The following ZFP1 variants were observed in gnomAD, a reference collection of about 807,000 sequenced individuals.
ZFP1 encodes the protein zinc finger protein 1 homolog.
A neutral mutation model predicts 38.5 loss-of-function variants in ZFP1; 32 were observed. The observed-to-expected ratio is 0.83, with a 90% CI of 0.63 to 1.12. The LOEUF is 1.12. Ranked by LOEUF, ZFP1 falls within the 50% of genes most tolerant of loss-of-function variation. The probability of loss-of-function intolerance (pLI) is 0.00; values close to 1 mark genes in which losing one functional copy is unlikely to be tolerated. For missense variants in ZFP1, 616 were observed against 480.8 expected (o/e 1.28, Z -2.63); for synonymous variants, 245 against 168.8 (o/e 1.45, Z -3.50).
At chr16:75,143,003 C>T in the ZFP1 span, among the ~76,000 whole-genome samples, 1 of 151,822 alleles carries the variant, frequency 6.6e-6, no homozygotes, top group Non-Finnish European at 1.5e-5. Flanking sequence ...CACCCAGTCC[C>T]CAAATAAAAC....
chr16:75,133,911 T>G, the ZFP1 span, among the ~76,000 whole-genome samples: 1 of 150,880 alleles, frequency 6.6e-6, no homozygotes, highest in Admixed American at 6.6e-5. Flanking sequence ...TAGCCAGGCG[T>G]GCTGGTGCAT....
chr16:75,152,805 T>G, intron 1 of ZFP1, 104 bp from the exon 2 acceptor site: 1 of 1,027,354 alleles, frequency 9.7e-7, no homozygotes, highest in Non-Finnish European at 1.4e-6. Flanking sequence ...CAGGAGGTGG[T>G]ATTTTCCCAG....
chr16:75,169,485 C>G lies in ZFP1; in HGVS notation c.375C>G (p.Ser125Arg). The G allele has an allele frequency of 1.2e-6, 2 of 1,612,768 alleles. No homozygotes were observed. Among genetic ancestry groups the G allele is most frequent in the South Asian group, 1.1e-5 (1 of 90,852 alleles). The change falls in exon 4 of 4, where the codon AGC (serine) becomes AGG (arginine). Residue 125 changes from serine (S) to arginine (R), a missense_variant. By Grantham distance (110) the Ser-to-Arg change is moderately radical. Coordinates refer to ENST00000570010, the MANE Select transcript of ZFP1 (RefSeq NM_153688.4). ...YNSDLLNSNR[S>R]YAGKQTDECN... ...CAGACTTGCTTAATAGTAATAGAAG[C>G]TATGCAGGAAAGCAGACTGATGAGT...
chr16:75,167,033 A>G, intron 3 of ZFP1, 137 bp downstream of exon 3: 2 of 1,447,108 alleles, frequency 1.4e-6, no homozygotes, highest in Non-Finnish European at 1.8e-6. Flanking sequence ...GAGATCTTGC[A>G]GCCTTTAAAG....
At position 75,170,201 on chromosome 16, in the gene ZFP1, G is replaced by A. The variant is rs1381441375; in HGVS notation, c.1091G>A (p.Arg364Lys). ...CTECGKTFSQ[R>K]STLRLHLRIH... ...GAGTGCGGCAAAACTTTCAGCCAGA[G>A]GTCAACTCTTAGATTACACTTGCGA... is the stretch of plus-strand genomic sequence containing the variant. The change falls in exon 4 of 4, where the codon AGG becomes AAG. Residue 364 changes from arginine to lysine, a missense_variant. Arg to Lys is a conservative substitution (Grantham distance 26). Coordinates refer to ENST00000570010, the MANE Select transcript of ZFP1 (RefSeq NM_153688.4). 1.2e-6 allele frequency: 2 copies of A among 1,614,094 alleles called. No homozygotes were observed. Among genetic ancestry groups the A allele is most frequent in the Admixed American group, 1.7e-5 (1 of 60,014 alleles).
In ZFP1 at chr16:75,170,151, A is replaced by T; in HGVS notation, c.1041A>T (p.Thr347=). Residue 347 remains threonine (T), a synonymous_variant, in exon 4 of 4, where the codon ACA becomes ACT. Transcript: ENST00000570010. ...TCATCATACACATGAGAACTCATACAGGAGAGAAACCCTATGAATGTACTG... is the reference window on the plus strand; with the variant it reads ...TCATCATACACATGAGAACTCATACTGGAGAGAAACCCTATGAATGTACTG... The part of the protein sequence containing the change: ...SQLIIHMRTH[T]GEKPYECTEC... 6.2e-7 allele frequency: 1 copy of T among 1,614,200 alleles called. No homozygotes were observed.
the ZFP1 span, among the ~76,000 whole-genome samples, chr16:75,140,756 G>C: frequency 1.3e-5 from 2 of 152,158 alleles, no homozygotes; most frequent in South Asian, 2.1e-4. Flanking sequence ...TCAGGAGATC[G>C]AGACCATCCT....
At chr16:75,126,803 A>G in the ZFP1 span, among the ~76,000 whole-genome samples, 1 of 152,226 alleles carries the variant, frequency 6.6e-6, no homozygotes, top group Non-Finnish European at 1.5e-5. Flanking sequence ...AAAATTATAA[A>G]TTATGTTTTT....
chr16:75,140,353 G>GAGACAGGAGGAGGT, the ZFP1 span, among the ~76,000 whole-genome samples: 1 of 151,732 alleles, frequency 6.6e-6, no homozygotes, highest in Admixed American at 6.6e-5. Context: ...AGGACCACTT[G>GAGACAGGAGGAGGT]AGCTCAGGAG....
At chr16:75,131,762 G>A in the ZFP1 span, among the ~76,000 whole-genome samples, 1 of 152,098 alleles carries the variant, frequency 6.6e-6, no homozygotes, top group Non-Finnish European at 1.5e-5. Context: ...TCAGGAGTTC[G>A]AGACCAGCCT....
In ZFP1 at chr16:75,171,721, G is replaced by C. The variant is rs1156814155; in HGVS notation, c.*1387G>C. The C allele has an allele frequency of 6.6e-6, 1 of 152,172 alleles. No individual in the cohort carries two copies. Among genetic ancestry groups the C allele is most frequent in the Non-Finnish European group, 1.5e-5 (1 of 68,042 alleles). 9.4% of individuals were successfully genotyped at this position (152,172 alleles called of 1,614,324 possible). ...AAAAATATTTTTGGATATCATTGAT[G>C]TGCTGTCACACTATATATTGAGTGA... On this transcript the variant is annotated 3_prime_UTR_variant, in exon 4 of 4. Transcript: ENST00000570010.
At chr16:75,122,785 A>C in the ZFP1 span, among the ~76,000 whole-genome samples, 1 of 152,208 alleles carries the variant, frequency 6.6e-6, no homozygotes, top group Non-Finnish European at 1.5e-5. Context: ...TTCCTCCCAA[A>C]GTTAGTTTGG....
chr16:75,160,903 C>G (rs2037739089), intron 2 of ZFP1, among the ~76,000 whole-genome samples: 1 of 152,004 alleles, frequency 6.6e-6, no homozygotes, highest in Admixed American at 6.6e-5. Context: ...GGGGAGGAGC[C>G]TCTATGATCC....
chr16:75,151,817 TATC>T (rs551323078), intron 1 of ZFP1, among the ~76,000 whole-genome samples: 7 of 152,300 alleles, frequency 4.6e-5, no homozygotes, highest in African/African-American at 1.7e-4. Context: ...TTTTGTCTGA[TATC>T]ATATTTCTTC....
chr16:75,125,547 C>T, the ZFP1 span, among the ~76,000 whole-genome samples: 23 of 152,180 alleles, frequency 1.5e-4, no homozygotes, highest in African/African-American at 4.3e-4. Flanking sequence ...TGGTCTTGAA[C>T]ACCTGACCTC....
At chr16:75,128,545 A>G in the ZFP1 span, among the ~76,000 whole-genome samples, 1 of 152,194 alleles carries the variant, frequency 6.6e-6, no homozygotes, top group African/African-American at 2.4e-5. Context: ...AGTCTTGTCT[A>G]ATATTTTTCA....
Position 75,171,946 on chromosome 16 carries a change from A to G in ZFP1, c.*1612A>G, listed in dbSNP as rs1294174693. 6.6e-6 allele frequency: 1 copy of G among 152,244 alleles called. No homozygotes were observed. 9.4% of individuals were successfully genotyped at this position (152,244 alleles called of 1,614,324 possible). A position where few individuals can be genotyped will look rare whatever the true frequency, so the allele number is the denominator to read the frequency against. ...CTTACAACCTAGGAATCTCCTGGGAATCTATCCCTAAGGAATAAAAAGCGC... is the reference window on the plus strand; with the variant it reads ...CTTACAACCTAGGAATCTCCTGGGAGTCTATCCCTAAGGAATAAAAAGCGC... On this transcript the variant is annotated 3_prime_UTR_variant, in exon 4 of 4. Transcript: ENST00000570010.
chr16:75,154,573 G>GTTT (rs33986637), intron 2 of ZFP1, among the ~76,000 whole-genome samples: 1 of 111,244 alleles, frequency 9.0e-6, no homozygotes. Flanking sequence ...ATGAATGAGA[G>GTTT]TTTTTTTTTT....
upstream of ZFP1, among the ~76,000 whole-genome samples, chr16:75,148,010 A>C (rs2036977149): frequency 6.6e-6 from 1 of 152,214 alleles, no homozygotes; most frequent in African/African-American, 2.4e-5. Context: ...TGTACATCTT[A>C]AATATATAGA....
Sources: gnomAD v4.1 joint callset for allele counts (sites outside exome capture counted in the v4.1 genomes callset) on GRCh38, gnomAD v4.1.1 for gene constraint, MANE v1.5 for transcripts, NCBI Gene and HGNC (gene_info 2026-07-23, HGNC 2026-07-21) for gene names.